Variants in HMGCS1 observed in about 807,000 individuals in gnomAD.
The protein encoded by HMGCS1 is 3-hydroxy-3-methylglutaryl-CoA synthase 1, also known as hydroxymethylglutaryl-CoA synthase, cytoplasmic.
HMGCS1 carries 9 observed loss-of-function variants against 52.3 expected under a neutral mutation model. That is an observed-to-expected ratio of 0.17 (90% CI 0.10 to 0.30). The LOEUF (loss-of-function observed/expected upper bound fraction) is 0.30. Ranked by LOEUF, HMGCS1 falls within the 10% of genes least tolerant of loss-of-function variation. HMGCS1 has a pLI of 1.00. For synonymous variants in HMGCS1, 176 were observed against 214.4 expected (o/e 0.82, Z 1.57); for missense variants, 320 against 620.9 (o/e 0.52, Z 5.15).
chr5:43,305,890 T>A (rs1754549366), intron 2 of HMGCS1, among the ~76,000 whole-genome samples: 1 of 152,084 alleles, frequency 6.6e-6, no homozygotes, highest in Non-Finnish European at 1.5e-5. Flanking sequence ...ATTACGTTTT[T>A]AATTTTTTAC....
chr5:43,291,512 G>A (rs566430542), intron 10 of HMGCS1, among the ~76,000 whole-genome samples: 7 of 152,098 alleles, frequency 4.6e-5, no homozygotes, highest in Admixed American at 2.0e-4. Flanking sequence ...TCAAACAGTG[G>A]CGGTTTGACT....
Position 43,304,233 on chromosome 5 carries a change from C to T in HMGCS1, c.-11+3533G>A, listed in dbSNP as rs141879570. Among the ~76,000 whole-genome samples, 520 of 152,320 alleles carry T rather than the reference C, an allele frequency of 3.4e-3. 3 individuals carry two copies. Among genetic ancestry groups the T allele is most frequent in the African/African-American group, 0.012 (497 of 41,580 alleles). ...TCTTAAGTCACCAAAGTAGGAGTAA[C>T]CACCTTTCCAGCCTTTCCCACAAGG... On this transcript the variant is annotated intron_variant, in intron 2 of 10. Coordinates refer to ENST00000325110, the MANE Select transcript of HMGCS1 (RefSeq NM_001098272.3).
At chr5:43,296,881 A>C in intron 5 of HMGCS1, 121 bp downstream of exon 5, 1 of 685,882 alleles carries the variant, frequency 1.5e-6, no homozygotes, top group Non-Finnish European at 2.4e-6. Flanking sequence ...GTGAATGAGG[A>C]ATTAATGGTA....
chr5:43,308,580 C>T (rs987240024), intron 1 of HMGCS1, among the ~76,000 whole-genome samples: 28 of 152,174 alleles, frequency 1.8e-4, no homozygotes, highest in African/African-American at 6.8e-4. Context: ...GAGCATTAAA[C>T]ATTATTATGT....
In HMGCS1 at chr5:43,295,979, C is replaced by T. The variant is rs1754012638; in HGVS notation, c.740-62G>A. ...TAAGCCATGAAATTTTAAAGTTTGA[C>T]TTTAGAATAAAGCTAGGATATTTGT... On this transcript the variant is annotated intron_variant, in intron 5 of 10. Coordinates refer to ENST00000325110, the MANE Select transcript of HMGCS1 (RefSeq NM_001098272.3). 3.9e-6 allele frequency: 5 copies of T among 1,280,542 alleles called. No homozygotes were observed. In the South Asian group the frequency reaches 6.4e-5, roughly 16 times the overall value. 79.3% of individuals were successfully genotyped at this position (1,280,542 alleles called of 1,614,324 possible).
chr5:43,298,321 A>G lies in HMGCS1; in HGVS notation c.449-187T>C, dbSNP rs1168268732. 1 of 668,294 alleles carries G rather than the reference A, an allele frequency of 1.5e-6. No homozygotes were observed. Among genetic ancestry groups the G allele is most frequent in the African/African-American group, 1.8e-5 (1 of 54,990 alleles). 41.4% of individuals were successfully genotyped at this position (668,294 alleles called of 1,614,324 possible). ...TCATCCATCTGACTAAATTTTGAAT[A>G]GACCATTTGTCCTACAAGATAAGAT... On this transcript the variant is annotated intron_variant, in intron 3 of 10. Coordinates refer to ENST00000325110, the MANE Select transcript of HMGCS1 (RefSeq NM_001098272.3). This position sits in a 1 kb window ranked among gnomAD's most constrained non-coding sequence, Gnocchi z 5.6.
Position 43,298,286 on chromosome 5 carries a change from C to T in HMGCS1, c.449-152G>A. ...TAATTTTTTTTTAAAATTCATCTGC[C>T]AAGGCTCTGTCATCCATCTGACTAA... On this transcript the variant is annotated intron_variant, in intron 3 of 10. Transcript: ENST00000325110. The surrounding 1 kb of genome is among the most constrained non-coding windows in gnomAD (Gnocchi z 5.6). 1 of 743,366 alleles carries T rather than the reference C, an allele frequency of 1.3e-6. No individual in the cohort carries two copies. The highest frequency in any genetic ancestry group is 2.0e-5 in the South Asian group (1 of 50,140). 46.0% of individuals were successfully genotyped at this position (743,366 alleles called of 1,614,324 possible). A position where few individuals can be genotyped will look rare whatever the true frequency, so the allele number is the denominator to read the frequency against.
Position 43,292,493 on chromosome 5 carries a change from T to A in HMGCS1, c.1454A>T (p.His485Leu). Residue 485 changes from histidine to leucine, a missense_variant, in exon 10 of 11, where the codon CAT becomes CTT. His to Leu is a moderately conservative substitution (Grantham distance 99). Around this residue, in one of 3 missense-constraint regions of HMGCS1, gnomAD observed 213 missense variants for 337.4 expected, o/e 0.63. Coordinates refer to ENST00000325110, the MANE Select transcript of HMGCS1 (RefSeq NM_001098272.3). ...ATTTACCTCAGTTGCTATGTTTGAA[T>A]GCACAAGTCCTACTCCTTCATCCAA... is the stretch of plus-strand genomic sequence containing the variant. Reference protein sequence around the residue: ...DTLDEGVGLVHSNIATEHIPS... With the variant: ...DTLDEGVGLVLSNIATEHIPS... 3 of 1,613,908 alleles carry A rather than the reference T, an allele frequency of 1.9e-6. No homozygotes were observed. The highest frequency in any genetic ancestry group is 2.5e-6 in the Non-Finnish European group (3 of 1,179,838).
chr5:43,294,343 T>C (rs563817525), intron 7 of HMGCS1, 181 bp from the exon 8 acceptor site: 1 of 543,162 alleles, frequency 1.8e-6, no homozygotes, highest in African/African-American at 1.9e-5. Flanking sequence ...GTTTTAATAT[T>C]GCAGCATGTG....
chr5:43,288,085 G>A lies in HMGCS1; in HGVS notation c.*3046C>T, dbSNP rs1753576330. The A allele has an allele frequency of 6.6e-6, 1 of 152,162 alleles. No homozygotes were observed. Among genetic ancestry groups the A allele is most frequent in the Non-Finnish European group, 1.5e-5 (1 of 68,032 alleles). 9.4% of individuals were successfully genotyped at this position (152,162 alleles called of 1,614,324 possible). A position where few individuals can be genotyped will look rare whatever the true frequency, so the allele number is the denominator to read the frequency against. On this transcript the variant is annotated 3_prime_UTR_variant, in exon 11 of 11. Coordinates refer to ENST00000325110, the MANE Select transcript of HMGCS1 (RefSeq NM_001098272.3). ...ATCAGATCCCACAGGAGTCTGCAAGGCTGAATAAGGAATATACATAGAATG... is the reference window on the plus strand; with the variant it reads ...ATCAGATCCCACAGGAGTCTGCAAGACTGAATAAGGAATATACATAGAATG...
chr5:43,291,434 G>T (rs959700457), intron 10 of HMGCS1, among the ~76,000 whole-genome samples: 2 of 152,004 alleles, frequency 1.3e-5, no homozygotes, highest in South Asian at 2.1e-4. Flanking sequence ...ATATGGGGGG[G>T]AGAGGAAGCC....
intron 2 of HMGCS1, among the ~76,000 whole-genome samples, chr5:43,299,371 C>G (rs1278933968): frequency 6.6e-6 from 1 of 152,052 alleles, no homozygotes; most frequent in Admixed American, 6.6e-5. Flanking sequence ...TAAATTAGGC[C>G]GGGCGTGGTG....
At position 43,298,174 on chromosome 5, in the gene HMGCS1, A is replaced by G. The variant is rs1187938113; in HGVS notation, c.449-40T>C. The stretch of plus-strand genomic sequence containing the variant: ...TTGTTATTTCACAAGAAGGAATTCA[A>G]CACTATAACCAAACATGGAAACTGA... On this transcript the variant is annotated intron_variant, in intron 3 of 10. Coordinates refer to ENST00000325110, the MANE Select transcript of HMGCS1 (RefSeq NM_001098272.3). The surrounding 1 kb of genome is among the most constrained non-coding windows in gnomAD (Gnocchi z 5.6). 6.4e-7 allele frequency: 1 copy of G among 1,564,912 alleles called. No individual in the cohort carries two copies. The highest frequency in any genetic ancestry group is 8.7e-7 in the Non-Finnish European group (1 of 1,146,878).
In HMGCS1 at chr5:43,290,091, C is replaced by G. The variant is rs902819610; in HGVS notation, c.*1040G>C. On this transcript the variant is annotated 3_prime_UTR_variant, in exon 11 of 11. Coordinates refer to ENST00000325110, the MANE Select transcript of HMGCS1 (RefSeq NM_001098272.3). ...ATACCTTATTTTCATTGAACAGATA[C>G]CAAAAAAAAAAAAAAAAGGAAAAGG... 1 of 141,922 alleles carries G rather than the reference C, an allele frequency of 7.0e-6. No homozygotes were observed. Among genetic ancestry groups the G allele is most frequent in the African/African-American group, 2.6e-5 (1 of 37,738 alleles). 8.8% of individuals were successfully genotyped at this position (141,922 alleles called of 1,614,324 possible).
At chr5:43,294,914 C>T (rs557585260) in intron 6 of HMGCS1, 53 bp from the exon 7 acceptor site, 1 of 1,163,096 alleles carries the variant, frequency 8.6e-7, no homozygotes, top group South Asian at 1.5e-5. Context: ...GTTTTTATTA[C>T]ACTAAACAGC....
chr5:43,308,693 C>T (rs1754701578), intron 1 of HMGCS1, among the ~76,000 whole-genome samples: 1 of 152,186 alleles, frequency 6.6e-6, no homozygotes, highest in Admixed American at 6.5e-5. Flanking sequence ...CTATGTTTAA[C>T]ACAGCATACA....
rs767448406 is a variant in HMGCS1 at position 43,292,679 on chromosome 5, A to G, written c.1310-42T>C. 2.6e-6 allele frequency: 4 copies of G among 1,559,434 alleles called. No individual in the cohort carries two copies. In the African/African-American group the frequency reaches 5.4e-5, roughly 21 times the overall value. On this transcript the variant is annotated intron_variant, in intron 9 of 10. Transcript: ENST00000325110. ...GAATATCTACAATTAGTTATGATAT[A>G]CAATTCATCTGGTAATAAAGCTAAA... is the stretch of plus-strand genomic sequence containing the variant.
In HMGCS1 at chr5:43,298,033, T is replaced by C. The variant is rs200881889; in HGVS notation, c.550A>G (p.Asn184Asp). 8 of 1,613,738 alleles carry C rather than the reference T, an allele frequency of 5.0e-6. No homozygotes were observed. The highest frequency in any genetic ancestry group is 6.8e-6 in the Non-Finnish European group (8 of 1,179,902). ...CCTCGTTCAAAAATTAAAGGAGCAT[T>C]TGGCCCAATTAGCAGAGCTACTGCT... ...VGAVALLIGPNAPLIFERGLR... is the reference protein window; with the variant it reads ...VGAVALLIGPDAPLIFERGLR... The change falls in exon 4 of 11, where the codon AAT becomes GAT. Residue 184 changes from asparagine to aspartate, a missense_variant. By Grantham distance (23) the Asn-to-Asp change is conservative (BLOSUM62 1). Coordinates refer to ENST00000325110, the MANE Select transcript of HMGCS1 (RefSeq NM_001098272.3). This position sits in a 1 kb window ranked among gnomAD's most constrained non-coding sequence, Gnocchi z 5.6.
At position 43,293,990 on chromosome 5, in the gene HMGCS1, C is replaced by T. The variant is rs569601005; in HGVS notation, c.1183+66G>A. 23 of 1,048,458 alleles carry T rather than the reference C, an allele frequency of 2.2e-5. 1 individual carries two copies. The highest frequency in any genetic ancestry group is 1.9e-4 in the East Asian group (8 of 41,878). 64.9% of individuals were successfully genotyped at this position (1,048,458 alleles called of 1,614,324 possible). Reference sequence around the variant, plus strand: ...TCGGCCTCCCAAACTGCTGGGATTACGGGTGTGAGCCACTGTGCCTGGACT... The same window carrying T: ...TCGGCCTCCCAAACTGCTGGGATTATGGGTGTGAGCCACTGTGCCTGGACT... On this transcript the variant is annotated intron_variant, in intron 8 of 10. Transcript: ENST00000325110.
Sources: gnomAD v4.1 joint callset for allele counts (sites outside exome capture counted in the v4.1 genomes callset) on GRCh38, gnomAD v4.1.1 for gene constraint, gnomAD v4.1.1 regional missense constraint, Gnocchi (gnomAD v3.1) non-coding constraint, MANE v1.5 for transcripts, NCBI Gene and HGNC (gene_info 2026-07-23, HGNC 2026-07-21) for gene names.